Variants in WDR7 observed in about 807,000 individuals in gnomAD.
The protein encoded by WDR7 is WD repeat-containing protein 7.
Under a neutral mutation model 169.4 loss-of-function variants are expected in WDR7, and 46 were observed. The observed-to-expected ratio is 0.27, with a 90% CI of 0.21 to 0.35. The LOEUF is 0.35. WDR7 is among the 10% of genes least tolerant of loss of function. The pLI, the probability that WDR7 is intolerant of heterozygous loss-of-function variation, is 1.00. For synonymous variants in WDR7, 612 were observed against 666.8 expected, an observed-to-expected ratio of 0.92 and a Z score of 1.27; for missense variants, 1,534 against 1,859.3, an observed-to-expected ratio of 0.83 and a Z score of 3.22.
intron 14 of WDR7, among the ~76,000 whole-genome samples, chr18:56,738,400 C>T (rs539594633): frequency 6.6e-6 from 1 of 152,156 alleles, no homozygotes; most frequent in South Asian, 2.1e-4. Context: ...AACCCTGCCT[C>T]TACAAAAATT....
intron 26 of WDR7, among the ~76,000 whole-genome samples, chr18:57,002,330 A>G (rs1329235714): frequency 6.6e-6 from 1 of 152,164 alleles, no homozygotes; most frequent in Non-Finnish European, 1.5e-5. Context: ...AGTACAAATA[A>G]ATTATCTAAA....
intron 20 of WDR7, among the ~76,000 whole-genome samples, chr18:56,828,832 A>G (rs1214579982): frequency 8.5e-5 from 13 of 152,150 alleles, no homozygotes; most frequent in Non-Finnish European, 1.5e-4. Flanking sequence ...TGTGCCTCCT[A>G]TGTCTTAAGA....
intron 12 of WDR7, among the ~76,000 whole-genome samples, chr18:56,709,601 A>G (rs1380046757): frequency 6.6e-6 from 1 of 152,200 alleles, no homozygotes; most frequent in Admixed American, 6.5e-5. Context: ...GACTCATCCA[A>G]GTCAGACAGT....
chr18:56,756,068 A>AT (rs1173403190), intron 14 of WDR7, among the ~76,000 whole-genome samples: 2 of 152,170 alleles, frequency 1.3e-5, no homozygotes, highest in Non-Finnish European at 2.9e-5. Flanking sequence ...AAAAGATAGC[A>AT]TTTTTTAAAG....
intron 6 of WDR7, 72 bp from the exon 7 acceptor site, chr18:56,686,783 C>G (rs2025452189): frequency 1.6e-6 from 2 of 1,277,366 alleles, no homozygotes; most frequent in Non-Finnish European, 1.1e-6. Context: ...AATTTTGTTG[C>G]CTTTATCATT....
At chr18:56,763,962 G>A (rs2044022236) in intron 16 of WDR7, among the ~76,000 whole-genome samples, 1 of 151,856 alleles carries the variant, frequency 6.6e-6, no homozygotes, top group African/African-American at 2.4e-5. Context: ...TGATCAGTCT[G>A]TCTTGTAGTT....
chr18:56,686,938 A>C lies in WDR7; in HGVS notation c.681A>C (p.Gln227His). The stretch of plus-strand genomic sequence containing the variant: ...GCATCTCTTTTTGTGCATTTACACA[A>C]AGGTCACTTTTGGTTGTGTGTTCCA... ...CQSISFCAFT[Q>H]RSLLVVCSKY... Residue 227 changes from glutamine (Q) to histidine (H), a missense_variant, in exon 7 of 28, where the codon CAA (glutamine) becomes CAC (histidine). Physicochemically the swap from Gln to His is conservative, Grantham distance 24 (BLOSUM62 0). Transcript: ENST00000254442. 3 of 1,611,630 alleles carry C rather than the reference A, an allele frequency of 1.9e-6. No homozygotes were observed. The highest frequency in any genetic ancestry group is 2.5e-6 in the Non-Finnish European group (3 of 1,178,116).
intron 20 of WDR7, among the ~76,000 whole-genome samples, chr18:56,823,984 C>T (rs1267356530): frequency 6.6e-6 from 1 of 152,174 alleles, no homozygotes; most frequent in East Asian, 1.9e-4. Flanking sequence ...CACCCTTCAC[C>T]CTCATTAACA....
At chr18:56,800,786 T>C (rs2044659547) in intron 19 of WDR7, among the ~76,000 whole-genome samples, 1 of 152,344 alleles carries the variant, frequency 6.6e-6, no homozygotes, top group East Asian at 1.9e-4. Context: ...TAAAGCACTT[T>C]CTTACTTTCT....
intron 19 of WDR7, among the ~76,000 whole-genome samples, chr18:56,814,587 T>C (rs1458812864): frequency 6.6e-6 from 1 of 152,106 alleles, no homozygotes; most frequent in African/African-American, 2.4e-5. Flanking sequence ...AGTTAAACAT[T>C]GAGTACAGAT....
Position 56,875,028 on chromosome 18 carries a change from C to G in WDR7, c.3305-4916C>G, listed in dbSNP as rs1260727288. Among the ~76,000 whole-genome samples the G allele has an allele frequency of 2.0e-5, 3 of 152,150 alleles. No homozygotes were observed. The East Asian group carries it at 5.8e-4, about 29-fold the overall frequency. Reference sequence around the variant, plus strand: ...TATAATTTCCATTTCTTAGACTCAACTAGGTCTTCTTGCCAACATCCAGAT... The same window carrying G: ...TATAATTTCCATTTCTTAGACTCAAGTAGGTCTTCTTGCCAACATCCAGAT... On this transcript the variant is annotated intron_variant, in intron 20 of 27. Coordinates refer to ENST00000254442, the MANE Select transcript of WDR7 (RefSeq NM_015285.3).
At chr18:57,013,168 C>T (rs1162513130) in intron 26 of WDR7, among the ~76,000 whole-genome samples, 1 of 152,150 alleles carries the variant, frequency 6.6e-6, no homozygotes, top group African/African-American at 2.4e-5. Flanking sequence ...AAGGAGGGCA[C>T]AACCTAGATT....
At chr18:56,954,771 CGTT>C (rs544017108) in intron 25 of WDR7, among the ~76,000 whole-genome samples, 21 of 151,990 alleles carry the variant, frequency 1.4e-4, no homozygotes, top group Non-Finnish European at 2.9e-4. Context: ...ATTGGGGAAA[CGTT>C]ATAGCTATAA....
chr18:57,026,680 T>A (rs2048370521), intron 27 of WDR7, among the ~76,000 whole-genome samples: 1 of 152,226 alleles, frequency 6.6e-6, no homozygotes, highest in Non-Finnish European at 1.5e-5. Context: ...GTTTTAAATA[T>A]CCACAATTTC....
At position 56,681,295 on chromosome 18, in the gene WDR7, C is replaced by A; in HGVS notation, c.267-18C>A. The stretch of plus-strand genomic sequence containing the variant: ...TTAAAAAGTCACACTCAAAGCTGAC[C>A]ATTATTTTGTTTTATAGAGAGATGT... On this transcript the variant is annotated intron_variant, in intron 3 of 27. Coordinates refer to ENST00000254442, the MANE Select transcript of WDR7 (RefSeq NM_015285.3). 1 of 1,545,362 alleles carries A rather than the reference C, an allele frequency of 6.5e-7. No individual in the cohort carries two copies. The highest frequency in any genetic ancestry group is 1.2e-5 in the South Asian group (1 of 82,376).
intron 16 of WDR7, among the ~76,000 whole-genome samples, chr18:56,765,295 C>T (rs1481100630): frequency 4.6e-5 from 7 of 151,876 alleles, no homozygotes; most frequent in East Asian, 1.9e-4. Flanking sequence ...TTTTTCTCTT[C>T]GTTGCATTTA....
chr18:56,731,299 A>C, intron 13 of WDR7, 84 bp from the exon 14 acceptor site: 1 of 1,473,286 alleles, frequency 6.8e-7, no homozygotes, highest in South Asian at 1.4e-5. Flanking sequence ...CTACTTAAAA[A>C]ATTTTCATAC....
At chr18:56,840,586 C>A (rs867783687) in intron 20 of WDR7, among the ~76,000 whole-genome samples, 5 of 151,936 alleles carry the variant, frequency 3.3e-5, no homozygotes, top group Non-Finnish European at 5.9e-5. Flanking sequence ...TTTGGGAGGT[C>A]GAGGCAGGTG....
At chr18:57,030,465 G>A (rs1171304822), downstream of WDR7, 4 of 152,120 alleles carry the variant, frequency 2.6e-5, no homozygotes, top group East Asian at 3.9e-4. Flanking sequence ...TGACTTAAAT[G>A]TATTCTTATA....
Sources: gnomAD v4.1 joint callset for allele counts (sites outside exome capture counted in the v4.1 genomes callset) on GRCh38, gnomAD v4.1.1 for gene constraint, MANE v1.5 for transcripts, NCBI Gene and HGNC (gene_info 2026-07-23, HGNC 2026-07-21) for gene names.